Variants in CLRN1 observed in about 807,000 individuals in gnomAD.
The protein encoded by CLRN1 is clarin 1, also known as clarin-1.
CLRN1 carries 15 observed loss-of-function variants against 18.7 expected under a neutral mutation model. That is an observed-to-expected ratio of 0.80 (90% CI 0.54 to 1.23). The LOEUF is 1.23. Ranked by LOEUF, CLRN1 falls within the 50% of genes most tolerant of loss-of-function variation. The probability of loss-of-function intolerance (pLI) is 0.00; values close to 1 mark genes in which losing one functional copy is unlikely to be tolerated. For missense variants in CLRN1, 311 were observed against 277.5 expected, an observed-to-expected ratio of 1.12 and a Z score of -0.86; for synonymous variants, 104 against 102.9, an observed-to-expected ratio of 1.01 and a Z score of -0.07.
At chr3:150,935,256 T>C (rs1177388706) in intron 2 of CLRN1, among the ~76,000 whole-genome samples, 1 of 151,122 alleles carries the variant, frequency 6.6e-6, no homozygotes, top group East Asian at 2.0e-4. Context: ...AACTCGTCAT[T>C]TAGCATTAGG....
rs774065924 is a variant in CLRN1, at chr3:150,927,141, C to T, written c.*795G>A. ...CAATTATGTTCATTGAAAGTACTGTCGTGAATGTAATTGGGACTCAGGCAC... is the reference window on the plus strand; with the variant it reads ...CAATTATGTTCATTGAAAGTACTGTTGTGAATGTAATTGGGACTCAGGCAC... On this transcript the variant is annotated 3_prime_UTR_variant, in exon 3 of 3. Transcript: ENST00000327047. 17 of 679,170 alleles carry T rather than the reference C, an allele frequency of 2.5e-5. No individual in the cohort carries two copies. The highest frequency in any genetic ancestry group is 3.4e-5 in the Non-Finnish European group (13 of 379,588). 42.1% of individuals were successfully genotyped at this position (679,170 alleles called of 1,614,324 possible). A position where few individuals can be genotyped will look rare whatever the true frequency, so the allele number is the denominator to read the frequency against.
intron 2 of CLRN1, chr3:150,940,450 G>A: frequency 6.5e-7 from 1 of 1,530,650 alleles, no homozygotes; most frequent in Non-Finnish European, 8.7e-7. Flanking sequence ...TTGTATGAGA[G>A]AAGGGAGTAG....
intron 1 of CLRN1, chr3:150,945,615 C>G (rs765026732): frequency 3.3e-5 from 42 of 1,286,856 alleles, no homozygotes; most frequent in Middle Eastern, 3.2e-4. Context: ...TACCAGTGTC[C>G]TCACTCAGGA....
chr3:150,939,313 G>T (rs1322035833), intron 2 of CLRN1, among the ~76,000 whole-genome samples: 1 of 152,160 alleles, frequency 6.6e-6, no homozygotes, highest in Non-Finnish European at 1.5e-5. Flanking sequence ...TGGTGTCCCA[G>T]TGCCAAGTCC....
At chr3:150,950,883 G>T (rs1714450291) in intron 1 of CLRN1, among the ~76,000 whole-genome samples, 1 of 152,152 alleles carries the variant, frequency 6.6e-6, no homozygotes. Flanking sequence ...TGAAGACACA[G>T]AATCAACCTA....
chr3:150,947,265 C>T (rs571219090), intron 1 of CLRN1, among the ~76,000 whole-genome samples: 2 of 151,806 alleles, frequency 1.3e-5, no homozygotes, highest in East Asian at 3.9e-4. Flanking sequence ...ATCCTAATTT[C>T]AGACAAAGAA....
intron 1 of CLRN1, among the ~76,000 whole-genome samples, chr3:150,968,927 C>T (rs551102131): frequency 9.9e-5 from 15 of 152,078 alleles, no homozygotes; most frequent in Admixed American, 3.9e-4. Flanking sequence ...GGCTTTGGAG[C>T]GCCCCACCCC....
In CLRN1 at chr3:150,959,608, G is replaced by A. The variant is rs138901041; in HGVS notation, c.253+12848C>T. Among the ~76,000 whole-genome samples, 98 of 142,818 alleles carry A rather than the reference G, an allele frequency of 6.9e-4. 1 individual carries two copies. The East Asian group carries it at 0.015, about 21-fold the overall frequency. 93.7% of individuals were successfully genotyped at this position (142,818 alleles called of 152,430 possible). On this transcript the variant is annotated intron_variant, in intron 1 of 2. Transcript: ENST00000327047. ...CACATCACTACCCTCCAGCCTGGAC[G>A]ACACAGCGAGACTTTGTCTCAAAAA...
intron 1 of CLRN1, among the ~76,000 whole-genome samples, chr3:150,965,599 C>G (rs1207374061): frequency 6.6e-6 from 1 of 152,120 alleles, no homozygotes; most frequent in Non-Finnish European, 1.5e-5. Flanking sequence ...GAAAAGAAAG[C>G]AGAGCAGCAA....
At chr3:150,968,938 C>T (rs1334540020) in intron 1 of CLRN1, among the ~76,000 whole-genome samples, 2 of 151,998 alleles carry the variant, frequency 1.3e-5, no homozygotes, top group Non-Finnish European at 2.9e-5. Context: ...GCCCCACCCC[C>T]GCGTCTCTGT....
At chr3:150,943,739 C>T (rs1234699727) in intron 1 of CLRN1, 8 of 1,608,932 alleles carry the variant, frequency 5.0e-6, no homozygotes, top group African/African-American at 4.0e-5. Context: ...GAGCTGACAA[C>T]ACACTGCTGT....
intron 2 of CLRN1, among the ~76,000 whole-genome samples, chr3:150,932,550 A>T: frequency 6.6e-6 from 1 of 152,368 alleles, no homozygotes; most frequent in East Asian, 1.9e-4. Context: ...TATAGGTGAC[A>T]GATATTAGGG....
At chr3:150,948,543 C>T (rs1403557580) in intron 1 of CLRN1, among the ~76,000 whole-genome samples, 1 of 146,412 alleles carries the variant, frequency 6.8e-6, no homozygotes. Context: ...ACTGATCCCA[C>T]GGAAATAAAA....
intron 1 of CLRN1, among the ~76,000 whole-genome samples, chr3:150,964,900 G>C (rs983483147): frequency 9.9e-5 from 15 of 152,114 alleles, no homozygotes. Flanking sequence ...GGGCTTGTCG[G>C]TGGGTGGGGG....
intron 1 of CLRN1, among the ~76,000 whole-genome samples, chr3:150,969,420 G>A (rs1227081367): frequency 5.5e-4 from 78 of 141,214 alleles, no homozygotes; most frequent in Middle Eastern, 4.2e-3. Flanking sequence ...TCCACCTCCC[G>A]GGTTCGTGCC....
In CLRN1 at chr3:150,926,828, A is replaced by C; in HGVS notation, c.*1108T>G. On this transcript the variant is annotated 3_prime_UTR_variant, in exon 3 of 3. Coordinates refer to ENST00000327047, the MANE Select transcript of CLRN1 (RefSeq NM_174878.3). Reference sequence around the variant, plus strand: ...CTTTCTGGAGGACAGCAGGTTGAGGATGAAGGAAGGGTCAGTTCCAGGCTC... The same window carrying C: ...CTTTCTGGAGGACAGCAGGTTGAGGCTGAAGGAAGGGTCAGTTCCAGGCTC... 2 of 1,614,028 alleles carry C rather than the reference A, an allele frequency of 1.2e-6. No individual in the cohort carries two copies. Among genetic ancestry groups the C allele is most frequent in the African/African-American group, 2.7e-5 (2 of 74,976 alleles).
intron 1 of CLRN1, among the ~76,000 whole-genome samples, chr3:150,965,650 G>T (rs914860880): frequency 1.6e-4 from 24 of 152,236 alleles, no homozygotes; most frequent in Non-Finnish European, 1.5e-4. Context: ...AATAGGTAAA[G>T]TTCATATACA....
intron 1 of CLRN1, among the ~76,000 whole-genome samples, chr3:150,953,313 G>A (rs1714581503): frequency 6.6e-6 from 1 of 152,090 alleles, no homozygotes; most frequent in Non-Finnish European, 1.5e-5. Flanking sequence ...ACATAACTTT[G>A]TCTGTGCGTT....
intron 1 of CLRN1, among the ~76,000 whole-genome samples, chr3:150,956,922 T>A (rs1714765550): frequency 6.6e-6 from 1 of 152,150 alleles, no homozygotes; most frequent in Non-Finnish European, 1.5e-5. Context: ...CTCAGAAATA[T>A]CTTGTAAACT....
Sources: gnomAD v4.1 joint callset for allele counts (sites outside exome capture counted in the v4.1 genomes callset) on GRCh38, gnomAD v4.1.1 for gene constraint, MANE v1.5 for transcripts, NCBI Gene and HGNC (gene_info 2026-07-23, HGNC 2026-07-21) for gene names.